Variants in CCDC178 observed in about 807,000 individuals in gnomAD.
CCDC178 encodes coiled-coil domain-containing protein 178.
In CCDC178, 126 loss-of-function variants were observed where a neutral mutation model predicts 117.4. The ratio of observed to expected loss-of-function variants is 1.07; its 90% CI spans 0.93 to 1.24. The LOEUF is 1.24. Among genes scored for constraint, CCDC178 ranks in the 50% most tolerant of loss-of-function variants. The pLI is 0.00. For missense variants in CCDC178, 1,030 were observed against 986.9 expected (o/e 1.04, Z -0.59); for synonymous variants, 283 against 313.4 (o/e 0.90, Z 1.02).
intron 21 of CCDC178, among the ~76,000 whole-genome samples, chr18:33,088,911 A>T (rs953208341): frequency 1.3e-5 from 2 of 152,178 alleles, no homozygotes; most frequent in African/African-American, 4.8e-5. Flanking sequence ...TAATGTGTTA[A>T]ATCACTAAGC....
At chr18:33,147,356 A>ATTTTTTTTTTTTTTTTTTT (rs575608507) in intron 20 of CCDC178, among the ~76,000 whole-genome samples, 3 of 94,620 alleles carry the variant, frequency 3.2e-5, no homozygotes, top group African/African-American at 1.4e-4. Context: ...TGCCTTTTTA[A>ATTTTTTTTTTTTTTTTTTT]TTTTTTTTTT....
At chr18:32,986,099 A>C (rs1200389974) in intron 21 of CCDC178, among the ~76,000 whole-genome samples, 1 of 152,078 alleles carries the variant, frequency 6.6e-6, no homozygotes, top group African/African-American at 2.4e-5. Context: ...GAATAGGCAA[A>C]ATGTAATGAA....
chr18:33,236,586 A>G (rs373938504), intron 15 of CCDC178, among the ~76,000 whole-genome samples: 1 of 152,164 alleles, frequency 6.6e-6, no homozygotes, highest in African/African-American at 2.4e-5. Context: ...TACTTTCTTT[A>G]ATTTTGCATG....
chr18:32,955,480 C>T (rs2054574943), intron 22 of CCDC178, among the ~76,000 whole-genome samples: 1 of 152,090 alleles, frequency 6.6e-6, no homozygotes, highest in African/African-American at 2.4e-5. Context: ...GACATTGCCT[C>T]TTAGCTGATT....
At chr18:33,260,597 G>A (rs554019888) in intron 14 of CCDC178, among the ~76,000 whole-genome samples, 4 of 150,886 alleles carry the variant, frequency 2.7e-5, no homozygotes, top group Admixed American at 6.6e-5. Context: ...TTAATGGAAT[G>A]TTTATTCATC....
intron 21 of CCDC178, among the ~76,000 whole-genome samples, chr18:33,028,460 C>T (rs1397180463): frequency 6.6e-6 from 1 of 151,638 alleles, no homozygotes; most frequent in African/African-American, 2.4e-5. Flanking sequence ...ACATTCCAAC[C>T]AGGTTTGAAT....
In CCDC178 at chr18:33,409,594, T is replaced by C. The variant is rs567589958; in HGVS notation, c.58+2437A>G. 6.2e-4 allele frequency among the ~76,000 whole-genome samples: 95 copies of C among 152,324 alleles called. 1 individual carries two copies. The highest frequency in any genetic ancestry group is 2.7e-3 in the South Asian group (13 of 4,830). On this transcript the variant is annotated intron_variant, in intron 3 of 22. Transcript: ENST00000383096. ...AACTTTTTCAAAAGTTAGTATATAA[T>C]ACATAATTAAAATCTTCAAAGACAT...
intron 20 of CCDC178, among the ~76,000 whole-genome samples, chr18:33,126,534 C>T (rs772610957): frequency 2.0e-5 from 3 of 151,744 alleles, no homozygotes; most frequent in African/African-American, 7.3e-5. Context: ...CCAGGACCCC[C>T]TGCATATACT....
At chr18:33,292,276 A>G (rs1024932597) in intron 12 of CCDC178, among the ~76,000 whole-genome samples, 31 of 152,210 alleles carry the variant, frequency 2.0e-4, no homozygotes, top group Non-Finnish European at 5.9e-5. Context: ...TTGCAGCAAC[A>G]TGGATGGAAC....
rs142127781 is a variant in CCDC178, at chr18:33,305,323, C to T, written c.1023-12011G>A. 2.2e-4 allele frequency among the ~76,000 whole-genome samples: 33 copies of T among 152,236 alleles called. No homozygotes were observed. In the East Asian group the frequency reaches 4.1e-3, roughly 19 times the overall value. On this transcript the variant is annotated intron_variant, in intron 11 of 22. Transcript: ENST00000383096. ...ATTGTTGTGAGGTCATAAGCAGGCACGCAAAGGGTTATATAGCTGTACTGG... is the reference window on the plus strand; with the variant it reads ...ATTGTTGTGAGGTCATAAGCAGGCATGCAAAGGGTTATATAGCTGTACTGG...
At chr18:33,005,720 C>T (rs868495683) in intron 21 of CCDC178, among the ~76,000 whole-genome samples, 1 of 151,824 alleles carries the variant, frequency 6.6e-6, no homozygotes, top group African/African-American at 2.4e-5. Context: ...TCATGTAATC[C>T]ATACATATAT....
chr18:33,318,265 A>T (rs2062447601), intron 11 of CCDC178, among the ~76,000 whole-genome samples: 1 of 152,206 alleles, frequency 6.6e-6, no homozygotes, highest in Non-Finnish European at 1.5e-5. Flanking sequence ...CAAACAAGGA[A>T]AGATCCCATC....
At chr18:32,963,125 C>T (rs2054741266) in intron 22 of CCDC178, among the ~76,000 whole-genome samples, 2 of 151,970 alleles carry the variant, frequency 1.3e-5, no homozygotes, top group South Asian at 4.1e-4. Context: ...AGCCAAATTG[C>T]CTAGGTTTAT....
In CCDC178 at chr18:33,224,797, C is replaced by T. The variant is rs1317971677; in HGVS notation, c.1796G>A (p.Ser599Asn). 3 of 1,536,448 alleles carry T rather than the reference C, an allele frequency of 2.0e-6. No homozygotes were observed. The highest frequency in any genetic ancestry group is 2.0e-5 in the Admixed American group (1 of 49,572). The change falls in exon 17 of 23, where the codon AGT becomes AAT. Residue 599 changes from serine (S) to asparagine (N), a missense_variant. Coordinates refer to ENST00000383096, the MANE Select transcript of CCDC178 (RefSeq NM_001105528.4). ...TACAACAGAATGTTCTTTGTCGAGACTTCTGATTCTTTCAGCTTCATCTTC... is the reference window on the plus strand; with the variant it reads ...TACAACAGAATGTTCTTTGTCGAGATTTCTGATTCTTTCAGCTTCATCTTC... ...QLEDEAERIRSLDKEHSVMLN... is the reference protein window; with the variant it reads ...QLEDEAERIRNLDKEHSVMLN...
At chr18:33,199,222 T>C (rs2058965984) in intron 20 of CCDC178, among the ~76,000 whole-genome samples, 1 of 152,154 alleles carries the variant, frequency 6.6e-6, no homozygotes, top group Non-Finnish European at 1.5e-5. Flanking sequence ...TACCTAGTTG[T>C]CCATTATTGC....
rs548401959 is a variant in CCDC178 at position 33,122,347 on chromosome 18, T to C, written c.2239-29437A>G. ...TTAACTGATGCTCTGGGGCTTGGCATATCAGATCAGAAATATTGATACCTG... is the reference window on the plus strand; with the variant it reads ...TTAACTGATGCTCTGGGGCTTGGCACATCAGATCAGAAATATTGATACCTG... On this transcript the variant is annotated intron_variant, in intron 20 of 22. Coordinates refer to ENST00000383096, the MANE Select transcript of CCDC178 (RefSeq NM_001105528.4). Among the ~76,000 whole-genome samples, 24 of 152,222 alleles carry C rather than the reference T, an allele frequency of 1.6e-4. 1 individual carries two copies. In the South Asian group the frequency reaches 5.0e-3, roughly 32 times the overall value.
chr18:33,330,264 T>C (rs1379178274), intron 10 of CCDC178, among the ~76,000 whole-genome samples: 1 of 152,008 alleles, frequency 6.6e-6, no homozygotes, highest in Non-Finnish European at 1.5e-5. Flanking sequence ...TATTAGAGAG[T>C]TTTCATATTT....
intron 21 of CCDC178, among the ~76,000 whole-genome samples, chr18:33,058,372 C>G (rs563484046): frequency 6.6e-6 from 1 of 152,130 alleles, no homozygotes; most frequent in Non-Finnish European, 1.5e-5. Flanking sequence ...GAACATATTA[C>G]GCTAATAAAA....
At chr18:33,409,730 T>C (rs1568208810) in intron 3 of CCDC178, among the ~76,000 whole-genome samples, 2 of 152,174 alleles carry the variant, frequency 1.3e-5, no homozygotes, top group Admixed American at 6.5e-5. Flanking sequence ...TGGCTGGTTG[T>C]CTTACATACA....
Sources: gnomAD v4.1 joint callset for allele counts (sites outside exome capture counted in the v4.1 genomes callset) on GRCh38, gnomAD v4.1.1 for gene constraint, MANE v1.5 for transcripts, NCBI Gene and HGNC (gene_info 2026-07-23, HGNC 2026-07-21) for gene names.